ATP6V1C1: variants seen among roughly 807,000 people sequenced by gnomAD.
ATP6V1C1 encodes the protein V-type proton ATPase subunit C 1.
In ATP6V1C1, 45 loss-of-function variants were observed where a neutral mutation model predicts 53.9. The observed-to-expected ratio is 0.83, with a 90% CI of 0.66 to 1.07. ATP6V1C1 has a LOEUF of 1.07. Among genes scored for constraint, ATP6V1C1 ranks in the 50% least tolerant of loss-of-function variants. The probability of loss-of-function intolerance (pLI) is 0.00; values close to 1 mark genes in which losing one functional copy is unlikely to be tolerated. For synonymous variants in ATP6V1C1, 153 were observed against 155.2 expected (o/e 0.99, Z 0.11); for missense variants, 315 against 440.3 (o/e 0.72, Z 2.55).
At chr8:103,023,302 G>T (rs1373016985) in intron 1 of ATP6V1C1, among the ~76,000 whole-genome samples, 3 of 146,932 alleles carry the variant, frequency 2.0e-5, no homozygotes, top group South Asian at 2.1e-4. Flanking sequence ...TTTTTTGGTG[G>T]GGGGGAGATA....
At chr8:103,029,091 T>G (rs568819287) in intron 1 of ATP6V1C1, among the ~76,000 whole-genome samples, 3 of 152,200 alleles carry the variant, frequency 2.0e-5, no homozygotes, top group Admixed American at 6.5e-5. Context: ...AGATAATTGT[T>G]GACAGTTTTT....
chr8:103,068,843 T>C lies in ATP6V1C1; in HGVS notation c.*96T>C. The C allele has an allele frequency of 2.0e-6, 2 of 1,016,044 alleles. No homozygotes were observed. The highest frequency in any genetic ancestry group is 2.8e-6 in the Non-Finnish European group (2 of 710,880). The allele number at this position is 1,016,044 out of a possible 1,614,324, so 62.9% of individuals were successfully genotyped here. On this transcript the variant is annotated 3_prime_UTR_variant, in exon 13 of 13. Coordinates refer to ENST00000518738, the MANE Select transcript of ATP6V1C1 (RefSeq NM_001695.5). ...TCGTACTTTTAACTCTAGTATCCTTTGCTTGCTTCTTACGCCCTTTCCTAG... is the reference window on the plus strand; with the variant it reads ...TCGTACTTTTAACTCTAGTATCCTTCGCTTGCTTCTTACGCCCTTTCCTAG...
Position 103,068,637 on chromosome 8 carries a change from C to CT in ATP6V1C1, c.1054-14dup. 1.3e-6 allele frequency: 2 copies of CT among 1,554,112 alleles called. No individual in the cohort carries two copies. Among genetic ancestry groups the CT allele is most frequent in the Non-Finnish European group, 1.7e-6 (2 of 1,144,934 alleles). ...TGTAAATACAAAATTGAATAATTGT[C>CT]TGTTTTTTCCATAGGCTCCTATGGA... On this transcript the variant is annotated splice_polypyrimidine_tract_variant and intron_variant, in intron 12 of 12. Transcript: ENST00000518738.
At chr8:103,067,622 A>G (rs773593437) in intron 12 of ATP6V1C1, among the ~76,000 whole-genome samples, 3 of 110,768 alleles carry the variant, frequency 2.7e-5, no homozygotes, top group Admixed American at 1.1e-4. Context: ...TTTTTTCGAG[A>G]TGGAGTTTCG....
chr8:103,062,161 GTTT>G (rs767825523), intron 8 of ATP6V1C1, among the ~76,000 whole-genome samples: 1,986 of 70,392 alleles, frequency 0.028, 3 homozygotes, highest in Middle Eastern at 0.033. Context: ...GTTCATCAGG[GTTT>G]TTTTTTTTTT....
intron 10 of ATP6V1C1, 141 bp downstream of exon 10, chr8:103,063,369 A>G: frequency 1.7e-6 from 1 of 587,498 alleles, no homozygotes; most frequent in Non-Finnish European, 2.9e-6. Context: ...TTGAATAATC[A>G]GAATGAATTT....
chr8:103,065,794 A>G lies in ATP6V1C1; in HGVS notation c.927-527A>G, dbSNP rs534267232. Reference sequence around the variant, plus strand: ...CGTGGTGGCTCATGCCTGTAGTCCCAGCACTTTGGGAGGCCAAGGCGGGCA... The same window carrying G: ...CGTGGTGGCTCATGCCTGTAGTCCCGGCACTTTGGGAGGCCAAGGCGGGCA... On this transcript the variant is annotated intron_variant, in intron 11 of 12. Transcript: ENST00000518738. Among the ~76,000 whole-genome samples, 36 of 152,306 alleles carry G rather than the reference A, an allele frequency of 2.4e-4. 1 individual carries two copies. The highest frequency in any genetic ancestry group is 2.4e-4 in the Non-Finnish European group (16 of 68,024).
At chr8:103,023,860 G>A (rs967540100) in intron 1 of ATP6V1C1, among the ~76,000 whole-genome samples, 9 of 151,308 alleles carry the variant, frequency 5.9e-5, no homozygotes, top group Non-Finnish European at 1.2e-4. Context: ...AGAAAAGGGC[G>A]AGTTTTTTGA....
At chr8:103,060,605 T>C (rs1817380297) in intron 8 of ATP6V1C1, among the ~76,000 whole-genome samples, 1 of 152,206 alleles carries the variant, frequency 6.6e-6, no homozygotes, top group African/African-American at 2.4e-5. Flanking sequence ...CATTACAGAG[T>C]CTCAGTACAT....
At chr8:103,059,471 G>A (rs565940146) in intron 8 of ATP6V1C1, among the ~76,000 whole-genome samples, 1 of 152,192 alleles carries the variant, frequency 6.6e-6, no homozygotes, top group Admixed American at 6.5e-5. Context: ...CAAACCGCAA[G>A]TGTGGTAGTC....
intron 1 of ATP6V1C1, among the ~76,000 whole-genome samples, chr8:103,026,530 G>T (rs1292894667): frequency 1.3e-5 from 2 of 152,230 alleles, no homozygotes; most frequent in Non-Finnish European, 2.9e-5. Flanking sequence ...GCGGGGCTGG[G>T]TGTGGTGGCT....
At chr8:103,037,394 C>A (rs1435591701) in intron 1 of ATP6V1C1, among the ~76,000 whole-genome samples, 1 of 152,042 alleles carries the variant, frequency 6.6e-6, no homozygotes, top group Non-Finnish European at 1.5e-5. Flanking sequence ...GTTGACCAGG[C>A]TGATCTTGAA....
At position 103,036,200 on chromosome 8, in the gene ATP6V1C1, C is replaced by T. The variant is rs1816896397; in HGVS notation, c.-39-4598C>T. On this transcript the variant is annotated intron_variant, in intron 1 of 12. Transcript: ENST00000518738. ...AGAGTCAAACACAACTAAATTTGAACCCCATCTGCCAGTCGTGCAGCCTTG... is the reference window on the plus strand; with the variant it reads ...AGAGTCAAACACAACTAAATTTGAATCCCATCTGCCAGTCGTGCAGCCTTG... Among the ~76,000 whole-genome samples the T allele has an allele frequency of 1.3e-5, 2 of 152,190 alleles. 1 individual carries two copies. Among genetic ancestry groups the T allele is most frequent in the South Asian group, 4.1e-4 (2 of 4,830 alleles).
At chr8:103,066,775 GTTATT>G (rs1390497342) in intron 12 of ATP6V1C1, among the ~76,000 whole-genome samples, 1 of 152,148 alleles carries the variant, frequency 6.6e-6, no homozygotes, top group Non-Finnish European at 1.5e-5. Context: ...AAAATAAGCA[GTTATT>G]TTAATTTTAT....
At chr8:103,028,103 T>C (rs114071491) in intron 1 of ATP6V1C1, among the ~76,000 whole-genome samples, 2,106 of 152,270 alleles carry the variant, frequency 0.014, 48 homozygotes, top group African/African-American at 0.048. Flanking sequence ...TGAGTGTAAG[T>C]AGACATGTGG....
rs1817544648 is a variant in ATP6V1C1, at chr8:103,069,153, A to G, written c.*406A>G. On this transcript the variant is annotated 3_prime_UTR_variant, in exon 13 of 13. Transcript: ENST00000518738. ...CTGTATTTAGTAGACATAACTGTTG[A>G]ATAGTTACTGAATCATGATGTAAAG... 6.6e-6 allele frequency: 1 copy of G among 152,508 alleles called. No individual in the cohort carries two copies. Among genetic ancestry groups the G allele is most frequent in the Non-Finnish European group, 1.5e-5 (1 of 68,236 alleles). 9.4% of individuals were successfully genotyped at this position (152,508 alleles called of 1,614,324 possible).
chr8:103,046,271 A>G (rs1430152169), intron 3 of ATP6V1C1, among the ~76,000 whole-genome samples: 1 of 152,066 alleles, frequency 6.6e-6, no homozygotes, highest in Non-Finnish European at 1.5e-5. Flanking sequence ...CAGTGGTGCA[A>G]TCATAGCTCA....
At chr8:103,023,710 A>C (rs558183716) in intron 1 of ATP6V1C1, among the ~76,000 whole-genome samples, 1 of 152,306 alleles carries the variant, frequency 6.6e-6, no homozygotes, top group African/African-American at 2.4e-5. Context: ...TGAAAATGCT[A>C]TTCATTGTAT....
Position 103,069,884 on chromosome 8 carries a change from T to C in ATP6V1C1, c.*1137T>C, listed in dbSNP as rs188379542. The C allele has an allele frequency of 7.2e-5, 11 of 152,312 alleles. No homozygotes were observed. The highest frequency in any genetic ancestry group is 2.6e-4 in the African/African-American group (11 of 41,564). The allele number at this position is 152,312 out of a possible 1,614,324, so 9.4% of individuals were successfully genotyped here. On this transcript the variant is annotated 3_prime_UTR_variant, in exon 13 of 13. Transcript: ENST00000518738. Reference sequence around the variant, plus strand: ...CAAAATCTTTTGTTTCAAAATATTATATTATTTCATAAATAATTTCAAGCA... The same window carrying C: ...CAAAATCTTTTGTTTCAAAATATTACATTATTTCATAAATAATTTCAAGCA...
Sources: allele counts gnomAD v4.1 joint callset (sites outside exome capture counted in the v4.1 genomes callset), GRCh38; gene constraint gnomAD v4.1.1; transcripts MANE v1.5; gene names NCBI Gene and HGNC (gene_info 2026-07-23, HGNC 2026-07-21).